BTBD8: variants seen among roughly 807,000 people sequenced by gnomAD.
The protein encoded by BTBD8 is BTB domain containing 8.
Under a neutral mutation model 162.9 loss-of-function variants are expected in BTBD8, and 110 were observed. The observed-to-expected ratio is 0.68, with a 90% CI of 0.58 to 0.79. The LOEUF is 0.79. Ranked by LOEUF, BTBD8 falls within the 30% of genes least tolerant of loss-of-function variation. BTBD8 has a pLI of 0.00. For synonymous variants in BTBD8, 667 were observed against 716.1 expected, an observed-to-expected ratio of 0.93 and a Z score of 1.10; for missense variants, 1,905 against 2,085.4, an observed-to-expected ratio of 0.91 and a Z score of 1.68.
chr1:92,095,233 G>A (rs1041728684), intron 2 of BTBD8, among the ~76,000 whole-genome samples: 5 of 152,162 alleles, frequency 3.3e-5, no homozygotes, highest in African/African-American at 1.2e-4. Context: ...TACCAGACAA[G>A]TAGGGATCAC....
intron 2 of BTBD8, among the ~76,000 whole-genome samples, chr1:92,094,557 T>C (rs535833651): frequency 6.6e-6 from 1 of 152,362 alleles, no homozygotes; most frequent in East Asian, 1.9e-4. Flanking sequence ...TTACTACTTA[T>C]TGTAGCCCTT....
intron 1 of BTBD8, among the ~76,000 whole-genome samples, chr1:92,087,144 A>G (rs907673685): frequency 6.6e-6 from 1 of 152,228 alleles, no homozygotes; most frequent in Non-Finnish European, 1.5e-5. Context: ...AAATGGTTCT[A>G]TCAAATAAAA....
intron 13 of BTBD8, among the ~76,000 whole-genome samples, chr1:92,173,886 A>G (rs750085390): frequency 3.9e-5 from 6 of 152,202 alleles, no homozygotes; most frequent in African/African-American, 7.2e-5. Flanking sequence ...GGGATGAGCT[A>G]TCTAGGAGGT....
At chr1:92,148,768 T>G (rs1364171535) in intron 9 of BTBD8, among the ~76,000 whole-genome samples, 1 of 152,186 alleles carries the variant, frequency 6.6e-6, no homozygotes, top group Non-Finnish European at 1.5e-5. Context: ...ACACAAGTAT[T>G]GATTCTGTTG....
intron 5 of BTBD8, among the ~76,000 whole-genome samples, chr1:92,137,849 A>G (rs989904697): frequency 1.3e-5 from 2 of 152,226 alleles, no homozygotes; most frequent in African/African-American, 2.4e-5. Flanking sequence ...AAAATAAAAT[A>G]TAGAGACAAA....
intron 1 of BTBD8, among the ~76,000 whole-genome samples, chr1:92,080,952 CAA>C (rs1283116657): frequency 6.6e-6 from 1 of 151,992 alleles, no homozygotes. Context: ...AAAAGGAAAA[CAA>C]AAAAAGCTTA....
intron 9 of BTBD8, among the ~76,000 whole-genome samples, chr1:92,157,524 G>A (rs1378347491): frequency 6.6e-6 from 1 of 152,134 alleles, no homozygotes; most frequent in Admixed American, 6.5e-5. Flanking sequence ...TTAGTTAACA[G>A]ATGGAGTCTC....
chr1:92,151,544 T>A (rs1192001175), intron 9 of BTBD8, among the ~76,000 whole-genome samples: 7 of 152,132 alleles, frequency 4.6e-5, no homozygotes, highest in South Asian at 2.1e-4. Context: ...GTATTTTTTT[T>A]AAATTATTTT....
chr1:92,126,455 TCA>T, intron 4 of BTBD8: 2 of 911,298 alleles, frequency 2.2e-6, no homozygotes, highest in African/African-American at 1.7e-5. Flanking sequence ...CAGTTTTGTG[TCA>T]CTGTCTGAAA....
At chr1:92,142,711 A>T (rs1649806842) in intron 7 of BTBD8, among the ~76,000 whole-genome samples, 1 of 152,214 alleles carries the variant, frequency 6.6e-6, no homozygotes, top group African/African-American at 2.4e-5. Flanking sequence ...ACCATGTCCC[A>T]CTTGGGGAGG....
chr1:92,164,406 C>T (rs981330490), intron 9 of BTBD8, among the ~76,000 whole-genome samples: 6 of 151,950 alleles, frequency 3.9e-5, no homozygotes, highest in African/African-American at 1.2e-4. Context: ...TCACTTGAAG[C>T]CAGGAGTTTC....
intron 2 of BTBD8, among the ~76,000 whole-genome samples, chr1:92,094,537 G>C (rs1290756930): frequency 6.6e-6 from 1 of 152,156 alleles, no homozygotes; most frequent in Admixed American, 6.6e-5. Flanking sequence ...TTTTGAAATA[G>C]TCTTTTATGT....
Position 92,180,330 on chromosome 1 carries a change from G to C in BTBD8, c.2647G>C (p.Val883Leu). 1 of 1,551,336 alleles carries C rather than the reference G, an allele frequency of 6.4e-7. No homozygotes were observed. Among genetic ancestry groups the C allele is most frequent in the Non-Finnish European group, 8.7e-7 (1 of 1,146,872 alleles). The change falls in exon 17 of 18, where the codon GTG becomes CTG. Residue 883 changes from valine to leucine, a missense_variant. By Grantham distance (32) the Val-to-Leu change is conservative (BLOSUM62 1). Around this residue, in one of 3 missense-constraint regions of BTBD8, gnomAD observed 1,374 missense variants for 1,442.7 expected, o/e 0.95. Coordinates refer to ENST00000636805, the MANE Select transcript of BTBD8 (RefSeq NM_001376131.1). ...SVSSRQSDEN[V>L]AKLDHNTTTE... is the part of the protein sequence containing the mutation. ...CTCTTCAAGGCAGTCTGATGAAAAT[G>C]TGGCAAAGTTGGACCACAATACAAC...
intron 4 of BTBD8, among the ~76,000 whole-genome samples, chr1:92,111,877 T>C (rs1487438395): frequency 6.6e-6 from 1 of 152,190 alleles, no homozygotes; most frequent in Non-Finnish European, 1.5e-5. Flanking sequence ...TGGCCTGTTT[T>C]TGTATGAGGC....
Position 92,088,736 on chromosome 1 carries a change from C to T in BTBD8, c.188C>T (p.Ser63Phe), listed in dbSNP as rs1221737644. The T allele has an allele frequency of 6.2e-7, 1 of 1,611,590 alleles. No homozygotes were observed. Among genetic ancestry groups the T allele is most frequent in the South Asian group, 1.1e-5 (1 of 90,658 alleles). Residue 63 changes from serine to phenylalanine, a missense_variant, in exon 2 of 18, where the codon TCT (serine) becomes TTT (phenylalanine). By Grantham distance (155) the Ser-to-Phe change is radical. Coordinates refer to ENST00000636805, the MANE Select transcript of BTBD8 (RefSeq NM_001376131.1). ...REEFHTDVTFSVGCTLFKAHK... is the reference protein window; with the variant it reads ...REEFHTDVTFFVGCTLFKAHK... ...GAATTCCATACAGATGTTACCTTCT[C>T]TGTGGGTTGTACTTTGTTCAAAGCA...
intron 3 of BTBD8, among the ~76,000 whole-genome samples, chr1:92,106,454 A>G (rs1243504992): frequency 6.6e-6 from 1 of 151,732 alleles, no homozygotes; most frequent in Non-Finnish European, 1.5e-5. Context: ...AGGTCAGGAG[A>G]TCGAGACCAT....
At chr1:92,158,449 A>C (rs1414690733) in intron 9 of BTBD8, among the ~76,000 whole-genome samples, 2 of 152,124 alleles carry the variant, frequency 1.3e-5, no homozygotes, top group African/African-American at 4.8e-5. Context: ...TCATAGATAT[A>C]ACAGTCTATT....
chr1:92,081,731 G>T (rs1262120405), intron 1 of BTBD8, among the ~76,000 whole-genome samples: 2 of 152,120 alleles, frequency 1.3e-5, no homozygotes, highest in African/African-American at 4.8e-5. Context: ...GCGCCACCAC[G>T]CCCGGCTAAT....
rs1440096271 is a variant in BTBD8, at chr1:92,182,708, C to CA, written c.4912+115dup. 3 of 569,078 alleles carry CA rather than the reference C, an allele frequency of 5.3e-6. No homozygotes were observed. In the African/African-American group the frequency reaches 5.9e-5, roughly 11 times the overall value. 35.3% of individuals were successfully genotyped at this position (569,078 alleles called of 1,614,324 possible). A position where few individuals can be genotyped will look rare whatever the true frequency, so the allele number is the denominator to read the frequency against. On this transcript the variant is annotated intron_variant, in intron 17 of 17. Coordinates refer to ENST00000636805, the MANE Select transcript of BTBD8 (RefSeq NM_001376131.1). ...TAGTCAGATAGAATAATTACTTAAG[C>CA]AACAGATTAAAATTTTAAATGAAAA...
Sources: allele counts gnomAD v4.1 joint callset (sites outside exome capture counted in the v4.1 genomes callset), GRCh38; gene constraint gnomAD v4.1.1; regional missense constraint gnomAD v4.1.1; transcripts MANE v1.5; gene names NCBI Gene and HGNC (gene_info 2026-07-23, HGNC 2026-07-21).